Variants in CUX2 observed in about 807,000 individuals in gnomAD.
The protein encoded by CUX2 is homeobox protein cut-like 2.
A neutral mutation model predicts 144.8 loss-of-function variants in CUX2; 40 were observed. The ratio of observed to expected loss-of-function variants is 0.28; its 90% CI spans 0.21 to 0.36. The LOEUF is 0.36. Among genes scored for constraint, CUX2 ranks in the 10% least tolerant of loss-of-function variants. CUX2 has a pLI of 1.00. For missense variants in CUX2, 1,615 were observed against 1,994.0 expected (o/e 0.81, Z 3.62); for synonymous variants, 827 against 875.6 (o/e 0.94, Z 0.98).
chr12:111,247,789 A>G (rs1883348936), intron 3 of CUX2, among the ~76,000 whole-genome samples: 1 of 152,110 alleles, frequency 6.6e-6, no homozygotes, highest in Non-Finnish European at 1.5e-5. Flanking sequence ...TTCCCCCTAG[A>G]TGATGTCATC....
At position 111,186,052 on chromosome 12, in the gene CUX2, C is replaced by T. The variant is rs1566281094; in HGVS notation, c.64-28148C>T. Among the ~76,000 whole-genome samples, 1 of 151,902 alleles carries T rather than the reference C, an allele frequency of 6.6e-6. No homozygotes were observed. The highest frequency in any genetic ancestry group is 1.5e-5 in the Non-Finnish European group (1 of 67,990). The stretch of plus-strand genomic sequence containing the variant: ...CTCTCTCTTTCACTCTCACTCTCTC[C>T]CTCCCTCCCTTCCTCCTCCTGCCCT... On this transcript the variant is annotated intron_variant, in intron 1 of 21. Transcript: ENST00000261726. The surrounding 1 kb of genome is among the most constrained non-coding windows in gnomAD (Gnocchi z 4.4).
At chr12:111,247,231 C>A (rs1006757776) in intron 3 of CUX2, among the ~76,000 whole-genome samples, 1 of 152,158 alleles carries the variant, frequency 6.6e-6, no homozygotes, top group Non-Finnish European at 1.5e-5. Flanking sequence ...CAGCAAGGAC[C>A]CCGGCTAGAC....
intron 21 of CUX2, among the ~76,000 whole-genome samples, chr12:111,344,093 G>A (rs972062445): frequency 3.9e-5 from 6 of 152,192 alleles, no homozygotes; most frequent in Non-Finnish European, 7.3e-5. Flanking sequence ...TTTATCATCT[G>A]GCTCAGAGCA....
rs1226193033 is a variant in CUX2 at position 111,263,130 on chromosome 12, C to T, written c.223-631C>T. ...CTAACTCCAGAGCCCACACTTTTAA[C>T]CTTCATTTCTCCTTCTTGCCCCTCC... On this transcript the variant is annotated intron_variant, in intron 3 of 21. Transcript: ENST00000261726. The surrounding 1 kb of genome is among the most constrained non-coding windows in gnomAD (Gnocchi z 4.0). Among the ~76,000 whole-genome samples, 1 of 152,218 alleles carries T rather than the reference C, an allele frequency of 6.6e-6. No homozygotes were observed. The highest frequency in any genetic ancestry group is 1.5e-5 in the Non-Finnish European group (1 of 68,044).
At chr12:111,199,903 C>T (rs1880474262) in intron 1 of CUX2, among the ~76,000 whole-genome samples, 1 of 151,884 alleles carries the variant, frequency 6.6e-6, no homozygotes, top group Non-Finnish European at 1.5e-5. Context: ...TGTCCATCTA[C>T]AGTCACAGAG....
rs922183170 is a variant in CUX2, at chr12:111,312,242, G to A, written c.2002+41G>A. 2.2e-5 allele frequency: 34 copies of A among 1,530,850 alleles called. No individual in the cohort carries two copies. The highest frequency in any genetic ancestry group is 2.7e-5 in the Non-Finnish European group (30 of 1,124,014). The allele number at this position is 1,530,850 out of a possible 1,614,324, so 94.8% of individuals were successfully genotyped here. A position where few individuals can be genotyped will look rare whatever the true frequency, so the allele number is the denominator to read the frequency against. On this transcript the variant is annotated intron_variant, in intron 16 of 21. Transcript: ENST00000261726. This position sits in a 1 kb window ranked among gnomAD's most constrained non-coding sequence, Gnocchi z 4.3. ...GCAGGCAAAGCCTGAGGCCCCCGGG[G>A]CCAGCTGCGAACAGGAGATGAGGCT...
chr12:111,082,987 C>A (rs761642370), intron 1 of CUX2, among the ~76,000 whole-genome samples: 1 of 152,084 alleles, frequency 6.6e-6, no homozygotes, highest in African/African-American at 2.4e-5. Context: ...CACAGTTTCT[C>A]GACTCCACAC....
At chr12:111,332,335 T>TG (rs1888158351) in intron 18 of CUX2, among the ~76,000 whole-genome samples, 2 of 149,590 alleles carry the variant, frequency 1.3e-5, no homozygotes, top group Admixed American at 6.7e-5. Context: ...GGTTTCACCA[T>TG]TTGGCCAGGC....
intron 1 of CUX2, among the ~76,000 whole-genome samples, chr12:111,158,805 G>A (rs1000771587): frequency 6.6e-6 from 1 of 152,148 alleles, no homozygotes; most frequent in Non-Finnish European, 1.5e-5. Context: ...TTTTGGCCCG[G>A]TCAGCCCAGC....
At chr12:111,075,595 T>A (rs886203) in intron 1 of CUX2, among the ~76,000 whole-genome samples, 3,666 of 152,240 alleles carry the variant, frequency 0.024, 148 homozygotes, top group African/African-American at 0.083. Context: ...TTTGCTGCTG[T>A]TGTTTTTTGG....
intron 1 of CUX2, among the ~76,000 whole-genome samples, chr12:111,049,862 G>A (rs1382089656): frequency 1.3e-5 from 2 of 152,170 alleles, no homozygotes; most frequent in Non-Finnish European, 2.9e-5. Flanking sequence ...GGACAAGGCA[G>A]ATCATCAGGT....
intron 3 of CUX2, among the ~76,000 whole-genome samples, chr12:111,223,958 T>C (rs991111531): frequency 1.9e-4 from 29 of 152,168 alleles, no homozygotes. Flanking sequence ...CACTGGTGCT[T>C]AGCATCATCT....
In CUX2 at chr12:111,319,963, G is replaced by A. The variant is rs373430854; in HGVS notation, c.2003-49G>A. The A allele has an allele frequency of 2.5e-5, 35 of 1,422,394 alleles. No homozygotes were observed. In the African/African-American group the frequency reaches 3.3e-4, roughly 13 times the overall value. 88.1% of individuals were successfully genotyped at this position (1,422,394 alleles called of 1,614,324 possible). On this transcript the variant is annotated intron_variant, in intron 16 of 21. Coordinates refer to ENST00000261726, the MANE Select transcript of CUX2 (RefSeq NM_015267.4). The stretch of plus-strand genomic sequence containing the variant: ...ATGCTGTGAACATCGTCCCCTGCAT[G>A]CCGAGCCCTGACCCTGGGCCTCGGG...
At chr12:111,044,960 T>C (rs1869926009) in intron 1 of CUX2, among the ~76,000 whole-genome samples, 1 of 152,192 alleles carries the variant, frequency 6.6e-6, no homozygotes, top group Admixed American at 6.5e-5. Flanking sequence ...CCCATCTAAT[T>C]AGTATATCTA....
rs1362118385 is a variant in CUX2 at position 111,255,185 on chromosome 12, G to T, written c.223-8576G>T. Among the ~76,000 whole-genome samples, 1 of 152,162 alleles carries T rather than the reference G, an allele frequency of 6.6e-6. No individual in the cohort carries two copies. Among genetic ancestry groups the T allele is most frequent in the African/African-American group, 2.4e-5 (1 of 41,426 alleles). ...AGTGCTGGCTCCTGAAACAGGCTAG[G>T]ATGGGGCCTCTCTGGGACCCCTGGG... On this transcript the variant is annotated intron_variant, in intron 3 of 21. Transcript: ENST00000261726. This position sits in a 1 kb window ranked among gnomAD's most constrained non-coding sequence, Gnocchi z 4.1.
Position 111,280,427 on chromosome 12 carries a change from C to A in CUX2, c.302-10991C>A, listed in dbSNP as rs79105258. Among the ~76,000 whole-genome samples the A allele has an allele frequency of 8.9e-3, 1,363 of 152,302 alleles. 157 individuals are homozygous for A. In the East Asian group the frequency reaches 0.25, roughly 28 times the overall value. ...GAAGCTGGGGGAAAGGCCCAGGTCTCCCCTAGAGCCTTGGAGAGAGCATGG... is the reference window on the plus strand; with the variant it reads ...GAAGCTGGGGGAAAGGCCCAGGTCTACCCTAGAGCCTTGGAGAGAGCATGG... On this transcript the variant is annotated intron_variant, in intron 4 of 21. Transcript: ENST00000261726.
chr12:111,110,635 CTATT>C (rs1873882732), intron 1 of CUX2, among the ~76,000 whole-genome samples: 1 of 152,218 alleles, frequency 6.6e-6, no homozygotes, highest in Admixed American at 6.5e-5. Flanking sequence ...AATGCTGTCA[CTATT>C]TATTAACCTT....
chr12:111,045,740 C>T (rs1232108575), intron 1 of CUX2, among the ~76,000 whole-genome samples: 1 of 152,200 alleles, frequency 6.6e-6, no homozygotes, highest in African/African-American at 2.4e-5. Flanking sequence ...CACTTCCTCA[C>T]TGAGAGGCTT....
intron 12 of CUX2, 37 bp from the exon 13 acceptor site, chr12:111,308,248 C>T (rs1886698668): frequency 1.9e-6 from 3 of 1,613,246 alleles, no homozygotes; most frequent in Non-Finnish European, 2.5e-6. Context: ...AGCCCGGGGG[C>T]TGGCTGACCT....
Sources: gnomAD v4.1 joint callset for allele counts (sites outside exome capture counted in the v4.1 genomes callset) on GRCh38, gnomAD v4.1.1 for gene constraint, Gnocchi (gnomAD v3.1) non-coding constraint, MANE v1.5 for transcripts, NCBI Gene and HGNC (gene_info 2026-07-23, HGNC 2026-07-21) for gene names.